KCNQ3: variants seen among roughly 807,000 people sequenced by gnomAD.
KCNQ3 encodes the protein potassium voltage-gated channel subfamily KQT member 3.
A neutral mutation model predicts 92.5 loss-of-function variants in KCNQ3; 30 were observed. The observed-to-expected ratio is 0.32, with a 90% confidence interval of 0.24 to 0.44. KCNQ3 has a LOEUF of 0.44. Among genes scored for constraint, KCNQ3 ranks in the 20% least tolerant of loss-of-function variants. KCNQ3 has a pLI of 1.00. For missense variants in KCNQ3, 913 were observed against 1,140.3 expected (o/e 0.80, Z 2.87); for synonymous variants, 450 against 468.8 (o/e 0.96, Z 0.52).
At chr8:132,191,694 T>A (rs1427328197) in intron 1 of KCNQ3, among the ~76,000 whole-genome samples, 1 of 151,394 alleles carries the variant, frequency 6.6e-6, no homozygotes, top group Non-Finnish European at 1.5e-5. Context: ...GTAATCTCTA[T>A]CCAAAGACAG....
At chr8:132,305,656 G>A (rs970154951) in intron 1 of KCNQ3, among the ~76,000 whole-genome samples, 3 of 152,116 alleles carry the variant, frequency 2.0e-5, no homozygotes, top group Non-Finnish European at 4.4e-5. Flanking sequence ...GACTCTGGCT[G>A]TAGCTGTACC....
chr8:132,478,161 A>G (rs916659276), intron 1 of KCNQ3, among the ~76,000 whole-genome samples: 1 of 152,200 alleles, frequency 6.6e-6, no homozygotes, highest in African/African-American at 2.4e-5. Flanking sequence ...CTTTTTGGGA[A>G]ACAGGCTCCA....
intron 1 of KCNQ3, among the ~76,000 whole-genome samples, chr8:132,333,882 C>T (rs1243245219): frequency 6.6e-6 from 1 of 151,978 alleles, no homozygotes. Flanking sequence ...TACAGGTGCC[C>T]ACCACCATGC....
At chr8:132,471,331 G>A (rs1226739297) in intron 1 of KCNQ3, among the ~76,000 whole-genome samples, 3 of 152,092 alleles carry the variant, frequency 2.0e-5, no homozygotes. Context: ...AAGAGCCTGG[G>A]CAGATCTCCT....
At chr8:132,312,536 T>C (rs1414347704) in intron 1 of KCNQ3, among the ~76,000 whole-genome samples, 2 of 152,070 alleles carry the variant, frequency 1.3e-5, no homozygotes, top group African/African-American at 4.8e-5. Context: ...ACTGGATCAA[T>C]AGAATGGTGA....
intron 1 of KCNQ3, among the ~76,000 whole-genome samples, chr8:132,461,522 G>A (rs1237976722): frequency 4.6e-5 from 7 of 152,134 alleles, no homozygotes; most frequent in Admixed American, 1.3e-4. Flanking sequence ...CCAAGATTGT[G>A]CCATTGCACT....
intron 1 of KCNQ3, among the ~76,000 whole-genome samples, chr8:132,448,044 C>T (rs1779517896): frequency 6.6e-6 from 1 of 152,170 alleles, no homozygotes; most frequent in Admixed American, 6.5e-5. Context: ...TAAGCAGCTA[C>T]AAATGTGCCT....
chr8:132,381,030 A>C (rs909669447), intron 1 of KCNQ3, among the ~76,000 whole-genome samples: 1 of 152,096 alleles, frequency 6.6e-6, no homozygotes. Flanking sequence ...GAGCAAAGGG[A>C]AAATGGGCAG....
chr8:132,304,247 C>A (rs564913014), intron 1 of KCNQ3, among the ~76,000 whole-genome samples: 1 of 152,126 alleles, frequency 6.6e-6, no homozygotes, highest in Non-Finnish European at 1.5e-5. Context: ...GAATTCACCA[C>A]TATGTAATAC....
chr8:132,204,074 A>G (rs1037554526), intron 1 of KCNQ3, among the ~76,000 whole-genome samples: 1 of 152,258 alleles, frequency 6.6e-6, no homozygotes, highest in Non-Finnish European at 1.5e-5. Context: ...TATGACAGCC[A>G]TTGATTGTGT....
chr8:132,389,999 T>A (rs1243670919), intron 1 of KCNQ3, among the ~76,000 whole-genome samples: 1 of 152,192 alleles, frequency 6.6e-6, no homozygotes, highest in Non-Finnish European at 1.5e-5. Flanking sequence ...TTATTTGTAA[T>A]AATAAAATAT....
chr8:132,249,660 C>T (rs1252194983), intron 1 of KCNQ3, among the ~76,000 whole-genome samples: 1 of 152,242 alleles, frequency 6.6e-6, no homozygotes, highest in Non-Finnish European at 1.5e-5. Context: ...TGCGCCTGCA[C>T]ACCTCAGCTG....
intron 9 of KCNQ3, among the ~76,000 whole-genome samples, chr8:132,146,347 CT>C (rs1201145460): frequency 3.9e-5 from 6 of 152,236 alleles, no homozygotes; most frequent in Non-Finnish European, 7.4e-5. Context: ...ATGAATAAAC[CT>C]TGAGGACATT....
intron 8 of KCNQ3, among the ~76,000 whole-genome samples, chr8:132,169,745 G>T (rs1056073173): frequency 6.6e-6 from 1 of 152,246 alleles, no homozygotes; most frequent in Non-Finnish European, 1.5e-5. Flanking sequence ...AGCCCTGGCT[G>T]CACAGAGGAA....
chr8:132,203,062 C>T (rs552509912), intron 1 of KCNQ3, among the ~76,000 whole-genome samples: 2 of 152,274 alleles, frequency 1.3e-5, no homozygotes, highest in South Asian at 4.2e-4. Context: ...TTTGCTGGAT[C>T]ATCCCATCCC....
chr8:132,185,094 G>A (rs770429174), intron 2 of KCNQ3, among the ~76,000 whole-genome samples: 15 of 152,154 alleles, frequency 9.9e-5, no homozygotes, highest in South Asian at 4.1e-4. Context: ...GCTGCTCCAC[G>A]ACAATCCCTG....
chr8:132,262,213 T>C (rs375004310), intron 1 of KCNQ3, among the ~76,000 whole-genome samples: 1 of 152,212 alleles, frequency 6.6e-6, no homozygotes, highest in Non-Finnish European at 1.5e-5. Flanking sequence ...GGTTACTTTA[T>C]GACGCCACTA....
intron 1 of KCNQ3, among the ~76,000 whole-genome samples, chr8:132,303,606 G>GTATATA (rs369419617): frequency 2.9e-5 from 1 of 35,060 alleles, no homozygotes; most frequent in Non-Finnish European, 5.2e-5. Flanking sequence ...TATATGGTGT[G>GTATATA]TATATATATA....
intron 9 of KCNQ3, among the ~76,000 whole-genome samples, chr8:132,144,873 C>T (rs186671052): frequency 2.0e-5 from 3 of 152,324 alleles, no homozygotes; most frequent in African/African-American, 7.2e-5. Context: ...ATTAGACATC[C>T]ATTCTCTGTG....
Sources: allele counts gnomAD v4.1 joint callset (sites outside exome capture counted in the v4.1 genomes callset), GRCh38; gene constraint gnomAD v4.1.1; transcripts MANE v1.5; gene names NCBI Gene and HGNC (gene_info 2026-07-23, HGNC 2026-07-21).